Variants in ANO6 observed in about 807,000 individuals in gnomAD.
ANO6 encodes anoctamin 6.
ANO6 carries 106 observed loss-of-function variants against 117.5 expected under a neutral mutation model. That is an observed-to-expected ratio of 0.90 (90% CI 0.77 to 1.06). The LOEUF is 1.06. Ranked by LOEUF, ANO6 falls within the 50% of genes least tolerant of loss-of-function variation. The pLI, the probability that ANO6 is intolerant of heterozygous loss-of-function variation, is 0.00. For synonymous variants in ANO6, 367 were observed against 385.1 expected (o/e 0.95, Z 0.55); for missense variants, 955 against 1,121.1 (o/e 0.85, Z 2.12).
intron 2 of ANO6, among the ~76,000 whole-genome samples, chr12:45,304,712 C>T (rs74083303): frequency 0.011 from 1,635 of 152,262 alleles, 30 homozygotes; most frequent in African/African-American, 0.037. Context: ...AGTTCATTTC[C>T]TTCAGAATTT....
At chr12:45,428,976 T>G in intron 19 of ANO6, 129 bp from the exon 20 acceptor site, 1 of 1,056,916 alleles carries the variant, frequency 9.5e-7, no homozygotes, top group Middle Eastern at 2.0e-4. Context: ...GCATTAGCGG[T>G]TGGTTGTGTG....
intron 12 of ANO6, among the ~76,000 whole-genome samples, chr12:45,395,601 T>G (rs955848804): frequency 6.6e-6 from 1 of 152,180 alleles, no homozygotes; most frequent in Non-Finnish European, 1.5e-5. Context: ...AATAAAATAC[T>G]GGCAAACCGA....
intron 2 of ANO6, among the ~76,000 whole-genome samples, chr12:45,323,614 C>T (rs1175762813): frequency 4.6e-5 from 7 of 152,198 alleles, no homozygotes; most frequent in African/African-American, 1.7e-4. Flanking sequence ...ACTTAATCTT[C>T]ACAATTACCC....
At chr12:45,373,151 A>G (rs1941896187) in intron 9 of ANO6, among the ~76,000 whole-genome samples, 1 of 152,194 alleles carries the variant, frequency 6.6e-6, no homozygotes, top group Non-Finnish European at 1.5e-5. Flanking sequence ...CAATTCAACA[A>G]GAAGAGCTAA....
At chr12:45,349,633 A>G (rs1240780374) in intron 6 of ANO6, among the ~76,000 whole-genome samples, 8 of 152,196 alleles carry the variant, frequency 5.3e-5, no homozygotes, top group Admixed American at 3.3e-4. Flanking sequence ...GTATTTGTGG[A>G]TAGAGACGAT....
chr12:45,339,119 A>G (rs987856555), intron 3 of ANO6, among the ~76,000 whole-genome samples: 2 of 152,126 alleles, frequency 1.3e-5, no homozygotes, highest in Non-Finnish European at 2.9e-5. Flanking sequence ...ATAAATCATC[A>G]CAAAAGAATA....
rs1268072821 is a variant in ANO6, at chr12:45,429,995, T to A, written c.*684T>A. On this transcript the variant is annotated 3_prime_UTR_variant, in exon 20 of 20. Transcript: ENST00000320560. ...CTAATCCACAGTGACACTTTTTATC[T>A]TCCAGGAGCACTCCTAGGAGGTTCC... 2.0e-6 allele frequency: 2 copies of A among 986,186 alleles called. No individual in the cohort carries two copies. Among genetic ancestry groups the A allele is most frequent in the Non-Finnish European group, 2.4e-6 (2 of 830,608 alleles). The allele number at this position is 986,186 out of a possible 1,614,324, so 61.1% of individuals were successfully genotyped here. A position where few individuals can be genotyped will look rare whatever the true frequency, so the allele number is the denominator to read the frequency against.
Position 45,388,313 on chromosome 12 carries a change from G to T in ANO6, c.1308+10G>T, listed in dbSNP as rs748964132. 1.2e-6 allele frequency: 2 copies of T among 1,613,848 alleles called. No homozygotes were observed. Among genetic ancestry groups the T allele is most frequent in the Admixed American group, 1.7e-5 (1 of 60,012 alleles). On this transcript the variant is annotated intron_variant, in intron 11 of 19. Transcript: ENST00000320560. ...AAATGAGATTACTCAGGTAAGCAGG[G>T]TCGTATTTAGGTGCAGTTTAATCTA...
At chr12:45,415,895 C>A (rs1383918727) in intron 16 of ANO6, among the ~76,000 whole-genome samples, 1 of 152,152 alleles carries the variant, frequency 6.6e-6, no homozygotes, top group Non-Finnish European at 1.5e-5. Flanking sequence ...TGAAGGTCTG[C>A]CAGTTAGGAG....
At chr12:45,352,195 A>G (rs1941296845) in intron 7 of ANO6, among the ~76,000 whole-genome samples, 1 of 152,122 alleles carries the variant, frequency 6.6e-6, no homozygotes, top group Admixed American at 6.5e-5. Context: ...TTTGTTTTAC[A>G]TTTACCGTGG....
intron 1 of ANO6, among the ~76,000 whole-genome samples, chr12:45,271,823 A>G (rs1254440744): frequency 1.3e-5 from 2 of 152,318 alleles, no homozygotes. Flanking sequence ...TTTGGAACTA[A>G]AACTGCAAAC....
intron 7 of ANO6, among the ~76,000 whole-genome samples, chr12:45,355,776 G>A (rs1011175656): frequency 1.1e-4 from 17 of 152,060 alleles, no homozygotes; most frequent in African/African-American, 3.6e-4. Context: ...GTGACCCATG[G>A]AACTGGTCTC....
intron 1 of ANO6, among the ~76,000 whole-genome samples, chr12:45,286,456 G>T (rs1357063489): frequency 6.6e-6 from 1 of 152,084 alleles, no homozygotes; most frequent in Non-Finnish European, 1.5e-5. Context: ...TTTAAGTAGG[G>T]GGTATGATTT....
At chr12:45,350,582 A>G in intron 6 of ANO6, 77 bp from the exon 7 acceptor site, 1 of 1,130,386 alleles carries the variant, frequency 8.8e-7, no homozygotes, top group Non-Finnish European at 1.3e-6. Flanking sequence ...ACTATCAAGT[A>G]TTTGTATCAC....
intron 12 of ANO6, among the ~76,000 whole-genome samples, chr12:45,400,820 C>T (rs1942765348): frequency 6.6e-6 from 1 of 152,182 alleles, no homozygotes; most frequent in African/African-American, 2.4e-5. Flanking sequence ...CCTCAGTTTC[C>T]CTTCTCTGAA....
chr12:45,406,785 AT>A (rs1942946477), intron 15 of ANO6, among the ~76,000 whole-genome samples: 1 of 152,174 alleles, frequency 6.6e-6, no homozygotes, highest in African/African-American at 2.4e-5. Flanking sequence ...GTATTTCAAA[AT>A]TAGCAAGTGG....
chr12:45,391,928 G>T (rs1035088298), intron 12 of ANO6, among the ~76,000 whole-genome samples: 2 of 152,200 alleles, frequency 1.3e-5, no homozygotes, highest in Admixed American at 1.3e-4. Context: ...TGCTCCCAGC[G>T]TGATCAACAC....
intron 2 of ANO6, among the ~76,000 whole-genome samples, chr12:45,305,997 T>C (rs1013087953): frequency 6.6e-6 from 1 of 152,058 alleles, no homozygotes; most frequent in Non-Finnish European, 1.5e-5. Context: ...ACCCAGGAAC[T>C]CAGATGGGCC....
At chr12:45,422,850 A>G in intron 18 of ANO6, 107 bp from the exon 19 acceptor site, 1 of 849,448 alleles carries the variant, frequency 1.2e-6, no homozygotes, top group Non-Finnish European at 2.0e-6. Context: ...CTAGGATTAC[A>G]GGCATGAGCC....
Sources: allele counts gnomAD v4.1 joint callset (sites outside exome capture counted in the v4.1 genomes callset), GRCh38; gene constraint gnomAD v4.1.1; transcripts MANE v1.5; gene names NCBI Gene and HGNC (gene_info 2026-07-23, HGNC 2026-07-21).